The following SPOCK1 variants were observed in gnomAD, a reference collection of about 807,000 sequenced individuals.
SPOCK1 encodes SPARC (osteonectin), cwcv and kazal like domains proteoglycan 1, also known as testican-1.
A neutral mutation model predicts 55.3 loss-of-function variants in SPOCK1; 23 were observed. The ratio of observed to expected loss-of-function variants is 0.42; its 90% CI spans 0.30 to 0.59. SPOCK1 has a LOEUF of 0.59. SPOCK1 is among the 20% of genes least tolerant of loss of function. The pLI is 0.22. For missense variants in SPOCK1, 499 were observed against 552.5 expected (o/e 0.90, Z 0.97); for synonymous variants, 226 against 221.0 (o/e 1.02, Z -0.20).
intron 2 of SPOCK1, among the ~76,000 whole-genome samples, chr5:137,410,872 G>T (rs1049252079): frequency 6.6e-6 from 1 of 152,214 alleles, no homozygotes; most frequent in African/African-American, 2.4e-5. Flanking sequence ...AGGAGGGGAT[G>T]CAAGCCACAG....
intron 2 of SPOCK1, among the ~76,000 whole-genome samples, chr5:137,325,806 C>A (rs1372145386): frequency 6.6e-6 from 1 of 152,214 alleles, no homozygotes; most frequent in Non-Finnish European, 1.5e-5. Flanking sequence ...TGGTAGTTTA[C>A]ACGGGGCAAC....
intron 6 of SPOCK1, among the ~76,000 whole-genome samples, chr5:137,029,492 G>C (rs1001183776): frequency 2.0e-5 from 3 of 152,178 alleles, no homozygotes; most frequent in Admixed American, 6.5e-5. Context: ...TTAAATAATA[G>C]GGAACTGAGA....
At chr5:137,043,275 A>G (rs2126992966) in intron 6 of SPOCK1, among the ~76,000 whole-genome samples, 1 of 152,366 alleles carries the variant, frequency 6.6e-6, no homozygotes, top group East Asian at 1.9e-4. Context: ...ATATATATCC[A>G]TGAGTCCACA....
intron 3 of SPOCK1, among the ~76,000 whole-genome samples, chr5:137,199,040 A>G (rs543667662): frequency 6.6e-6 from 1 of 152,300 alleles, no homozygotes; most frequent in East Asian, 1.9e-4. Context: ...GACTATCAGG[A>G]TTTATTTATG....
intron 3 of SPOCK1, among the ~76,000 whole-genome samples, chr5:137,210,124 G>T (rs906127341): frequency 6.6e-6 from 1 of 152,086 alleles, no homozygotes. Context: ...TTATACATAG[G>T]ACAATTGAGC....
At position 137,203,519 on chromosome 5, in the gene SPOCK1, T is replaced by C. The variant is rs1755463357; in HGVS notation, c.233-62825A>G. On this transcript the variant is annotated intron_variant, in intron 3 of 10. Transcript: ENST00000394945. ...CCCTGGGGAAGTCCCAGGGAGCTGC[T>C]TCTAATTACCAATGTTCACTATATG... 2.0e-5 allele frequency among the ~76,000 whole-genome samples: 3 copies of C among 152,138 alleles called. No individual in the cohort carries two copies. The South Asian group carries it at 6.2e-4, about 32-fold the overall frequency.
intron 3 of SPOCK1, among the ~76,000 whole-genome samples, chr5:137,262,133 T>C (rs2961624): frequency 0.82 from 124,917 of 152,156 alleles, 51,533 homozygotes; most frequent in African/African-American, 0.9. Context: ...TGTATATTCA[T>C]CCCCTATTCA....
At chr5:137,252,479 T>C (rs1756553306) in intron 3 of SPOCK1, among the ~76,000 whole-genome samples, 1 of 152,232 alleles carries the variant, frequency 6.6e-6, no homozygotes, top group Admixed American at 6.5e-5. Flanking sequence ...CAAAAGTTCC[T>C]ACAGCATGAG....
intron 2 of SPOCK1, among the ~76,000 whole-genome samples, chr5:137,453,603 G>A (rs1466260910): frequency 6.6e-6 from 1 of 152,136 alleles, no homozygotes; most frequent in Non-Finnish European, 1.5e-5. Context: ...TAATTTCAGG[G>A]AGCAAAAGGT....
At chr5:137,305,105 A>G (rs1043004444) in intron 2 of SPOCK1, among the ~76,000 whole-genome samples, 13 of 152,244 alleles carry the variant, frequency 8.5e-5, no homozygotes, top group Admixed American at 7.2e-4. Context: ...TCATCATTCC[A>G]ATTTTATTAA....
At chr5:137,476,206 G>T (rs899379958) in intron 2 of SPOCK1, among the ~76,000 whole-genome samples, 3 of 151,776 alleles carry the variant, frequency 2.0e-5, no homozygotes, top group Non-Finnish European at 2.9e-5. Flanking sequence ...CCACTCTCTG[G>T]TAGGGCCCAA....
intron 3 of SPOCK1, among the ~76,000 whole-genome samples, chr5:137,143,778 A>G (rs2127053580): frequency 6.6e-6 from 1 of 152,298 alleles, no homozygotes; most frequent in South Asian, 2.1e-4. Context: ...TGATTGGATT[A>G]CCACATTTAA....
intron 6 of SPOCK1, among the ~76,000 whole-genome samples, chr5:137,051,707 GA>G (rs918119882): frequency 1.3e-5 from 2 of 151,728 alleles, no homozygotes; most frequent in African/African-American, 2.4e-5. Flanking sequence ...AAACTATTGA[GA>G]AAAAAAATCA....
intron 2 of SPOCK1, among the ~76,000 whole-genome samples, chr5:137,407,857 T>C (rs1001557773): frequency 1.3e-4 from 20 of 152,170 alleles, no homozygotes; most frequent in Non-Finnish European, 4.4e-5. Context: ...AACCCATTGG[T>C]GCTTTCCCCT....
chr5:137,446,952 C>T (rs1490389616), intron 2 of SPOCK1, among the ~76,000 whole-genome samples: 1 of 152,224 alleles, frequency 6.6e-6, no homozygotes, highest in East Asian at 1.9e-4. Flanking sequence ...ATGTCTTCAA[C>T]TTCCATCCAT....
chr5:137,086,662 AAT>A (rs1450572146), intron 5 of SPOCK1, among the ~76,000 whole-genome samples: 8 of 152,216 alleles, frequency 5.3e-5, no homozygotes, highest in Admixed American at 3.3e-4. Context: ...TCATGCAAGC[AAT>A]GTCTGTGCAG....
intron 7 of SPOCK1, among the ~76,000 whole-genome samples, chr5:136,990,657 CTGCTGAATGAG>C (rs1750933305): frequency 6.6e-6 from 1 of 150,948 alleles, no homozygotes; most frequent in Non-Finnish European, 1.5e-5. Context: ...CCCTCAGGGG[CTGCTGAATGAG>C]AGATAATTTA....
At chr5:137,230,483 TAA>T (rs746463066) in intron 3 of SPOCK1, among the ~76,000 whole-genome samples, 5 of 152,350 alleles carry the variant, frequency 3.3e-5, no homozygotes, top group Admixed American at 6.5e-5. Flanking sequence ...ATTTTAAACA[TAA>T]AGAGTCTTTA....
chr5:137,020,608 A>G (rs1395145014), intron 6 of SPOCK1, among the ~76,000 whole-genome samples: 1 of 152,006 alleles, frequency 6.6e-6, no homozygotes, highest in Non-Finnish European at 1.5e-5. Context: ...ATTAAAAGAC[A>G]CTACAAAGAG....
Sources: allele counts gnomAD v4.1 joint callset (sites outside exome capture counted in the v4.1 genomes callset), GRCh38; gene constraint gnomAD v4.1.1; transcripts MANE v1.5; gene names NCBI Gene and HGNC (gene_info 2026-07-23, HGNC 2026-07-21).